PTPN4: variants seen among roughly 807,000 people sequenced by gnomAD.
PTPN4 encodes tyrosine-protein phosphatase non-receptor type 4.
In PTPN4, 49 loss-of-function variants were observed where a neutral mutation model predicts 135.5. The observed-to-expected ratio is 0.36, with a 90% CI of 0.29 to 0.46. PTPN4 has a LOEUF of 0.46. Among genes scored for constraint, PTPN4 ranks in the 20% least tolerant of loss-of-function variants. The pLI is 1.00. For missense variants in PTPN4, 860 were observed against 1,101.0 expected, an observed-to-expected ratio of 0.78 and a Z score of 3.10; for synonymous variants, 333 against 369.9, an observed-to-expected ratio of 0.90 and a Z score of 1.14.
intron 1 of PTPN4, among the ~76,000 whole-genome samples, chr2:119,788,839 G>T (rs1691090464): frequency 6.6e-6 from 1 of 152,084 alleles, no homozygotes. Context: ...CACTTGGTTT[G>T]TTTTCATCTT....
At chr2:119,910,425 A>G (rs1403962316) in intron 10 of PTPN4, among the ~76,000 whole-genome samples, 2 of 152,122 alleles carry the variant, frequency 1.3e-5, no homozygotes, top group South Asian at 2.1e-4. Flanking sequence ...TGGCTGTACC[A>G]ATATCCAGAA....
At chr2:119,880,594 T>A (rs1452547141) in intron 5 of PTPN4, among the ~76,000 whole-genome samples, 2 of 151,592 alleles carry the variant, frequency 1.3e-5, no homozygotes, top group Admixed American at 1.3e-4. Flanking sequence ...CACGCCTGGC[T>A]AATTTTTTTT....
chr2:119,787,652 G>T (rs1161756440), intron 1 of PTPN4, among the ~76,000 whole-genome samples: 1 of 152,162 alleles, frequency 6.6e-6, no homozygotes, highest in Non-Finnish European at 1.5e-5. Context: ...AATCTTTAAG[G>T]TATGGTAGAA....
chr2:119,892,397 G>A (rs1678253156), intron 9 of PTPN4, among the ~76,000 whole-genome samples: 1 of 152,182 alleles, frequency 6.6e-6, no homozygotes, highest in African/African-American at 2.4e-5. Context: ...CAGTACTTCA[G>A]TTCTTTTAAA....
chr2:119,918,170 G>A (rs1215496947), intron 11 of PTPN4, among the ~76,000 whole-genome samples: 2 of 152,176 alleles, frequency 1.3e-5, no homozygotes, highest in South Asian at 4.1e-4. Flanking sequence ...TGGCAATCAA[G>A]AAGTGATGTT....
In PTPN4 at chr2:119,983,967, G is replaced by A. The variant is rs577011624; in HGVS notation, c.*6897G>A. On this transcript the variant is annotated 3_prime_UTR_variant, in exon 27 of 27. Transcript: ENST00000263708. ...GTAGATGCTGCACAAGTAAGTTTAA[G>A]GGAATAAAAGTCCCGACACTTTATA... 14 of 152,198 alleles carry A rather than the reference G, an allele frequency of 9.2e-5. No individual in the cohort carries two copies. Among genetic ancestry groups the A allele is most frequent in the Non-Finnish European group, 1.9e-4 (13 of 68,020 alleles). 9.4% of individuals were successfully genotyped at this position (152,198 alleles called of 1,614,324 possible).
In PTPN4 at chr2:119,977,287, C is replaced by T. The variant is rs911452662; in HGVS notation, c.*217C>T. 2 of 719,442 alleles carry T rather than the reference C, an allele frequency of 2.8e-6. No individual in the cohort carries two copies. Among genetic ancestry groups the T allele is most frequent in the East Asian group, 4.5e-5 (1 of 22,186 alleles). The allele number at this position is 719,442 out of a possible 1,614,324, so 44.6% of individuals were successfully genotyped here. A position where few individuals can be genotyped will look rare whatever the true frequency, so the allele number is the denominator to read the frequency against. On this transcript the variant is annotated 3_prime_UTR_variant, in exon 27 of 27. Coordinates refer to ENST00000263708, the MANE Select transcript of PTPN4 (RefSeq NM_002830.4). ...TTTGAAGACTGTTTCATGCTTTGCT[C>T]CGAACAAATAGTAAATAACTGAGTA...
At position 119,943,804 on chromosome 2, in the gene PTPN4, G is replaced by A. The variant is rs572592815; in HGVS notation, c.1356-1277G>A. ...GGGTTTCACCATGTTAGCCAGGATA[G>A]GATGGTCTCAATCTCCTGACCTCGT... On this transcript the variant is annotated intron_variant, in intron 15 of 26. Coordinates refer to ENST00000263708, the MANE Select transcript of PTPN4 (RefSeq NM_002830.4). Among the ~76,000 whole-genome samples, 11 of 151,882 alleles carry A rather than the reference G, an allele frequency of 7.2e-5. No individual in the cohort carries two copies. The East Asian group carries it at 1.4e-3, about 19-fold the overall frequency.
intron 1 of PTPN4, among the ~76,000 whole-genome samples, chr2:119,806,582 C>T (rs1456360103): frequency 6.6e-6 from 1 of 152,112 alleles, no homozygotes; most frequent in South Asian, 2.1e-4. Context: ...TAAAACAAGT[C>T]CTTAGAGACC....
At chr2:119,945,029 C>G in intron 15 of PTPN4, 52 bp from the exon 16 acceptor site, 1 of 1,520,504 alleles carries the variant, frequency 6.6e-7, no homozygotes, top group East Asian at 2.5e-5. Flanking sequence ...TTGCTTGACC[C>G]TAACTTTTAA....
intron 2 of PTPN4, among the ~76,000 whole-genome samples, chr2:119,849,204 C>T (rs7599865): frequency 0.23 from 34,641 of 152,112 alleles, 5,004 homozygotes; most frequent in East Asian, 0.48. Context: ...GGCCCTCTCA[C>T]GAGCAGTTCC....
At chr2:119,912,562 A>G (rs1041059804) in intron 10 of PTPN4, among the ~76,000 whole-genome samples, 1 of 152,206 alleles carries the variant, frequency 6.6e-6, no homozygotes, top group Non-Finnish European at 1.5e-5. Flanking sequence ...TAGTTATATG[A>G]TTACATAATT....
chr2:119,808,644 A>T (rs1161116415), intron 1 of PTPN4, among the ~76,000 whole-genome samples: 1 of 152,130 alleles, frequency 6.6e-6, no homozygotes, highest in African/African-American at 2.4e-5. Context: ...GGCTGGTCTC[A>T]AACTCTTGTC....
rs186712073 is a variant in PTPN4 at position 119,817,377 on chromosome 2, A to G, written c.138+7386A>G. 3.0e-4 allele frequency among the ~76,000 whole-genome samples: 46 copies of G among 151,436 alleles called. No homozygotes were observed. The East Asian group carries it at 7.6e-3, about 25-fold the overall frequency. On this transcript the variant is annotated intron_variant, in intron 2 of 26. Coordinates refer to ENST00000263708, the MANE Select transcript of PTPN4 (RefSeq NM_002830.4). ...TTAATTTCTGGGATATATGTGCCCA[A>G]CTTTTCTCTCTGGCTGCCCTTAACA...
chr2:119,924,307 A>C (rs568109732), intron 12 of PTPN4, among the ~76,000 whole-genome samples: 25 of 151,842 alleles, frequency 1.6e-4, no homozygotes, highest in Admixed American at 3.3e-4. Flanking sequence ...ACTGGAAACC[A>C]GTTTAATTTT....
At chr2:119,827,126 C>A (rs550643474) in intron 2 of PTPN4, among the ~76,000 whole-genome samples, 4 of 152,214 alleles carry the variant, frequency 2.6e-5, no homozygotes, top group Admixed American at 2.0e-4. Context: ...GTAGCCGTAC[C>A]CCTATACATA....
At chr2:119,929,811 T>C (rs1022945684) in intron 13 of PTPN4, among the ~76,000 whole-genome samples, 91 of 152,280 alleles carry the variant, frequency 6.0e-4, no homozygotes, top group Non-Finnish European at 4.4e-5. Flanking sequence ...AGCAATAAAG[T>C]GTTCTGACGC....
intron 1 of PTPN4, among the ~76,000 whole-genome samples, chr2:119,796,707 A>G (rs1443365124): frequency 1.3e-5 from 2 of 152,262 alleles, no homozygotes; most frequent in African/African-American, 2.4e-5. Flanking sequence ...TAGGAACGCA[A>G]TGGACAGCTC....
At chr2:119,952,648 TAA>T (rs1679226657) in intron 19 of PTPN4, among the ~76,000 whole-genome samples, 1 of 152,212 alleles carries the variant, frequency 6.6e-6, no homozygotes, top group African/African-American at 2.4e-5. Flanking sequence ...AAGCTATAGT[TAA>T]AGTGTTTTTA....
Sources: allele counts gnomAD v4.1 joint callset (sites outside exome capture counted in the v4.1 genomes callset), GRCh38; gene constraint gnomAD v4.1.1; transcripts MANE v1.5; gene names NCBI Gene and HGNC (gene_info 2026-07-23, HGNC 2026-07-21).